The following CEACAM20 variants were observed in gnomAD, a reference collection of about 807,000 sequenced individuals.
The protein encoded by CEACAM20 is cell adhesion molecule CEACAM20.
CEACAM20 carries 50 observed loss-of-function variants against 61.2 expected under a neutral mutation model. The ratio of observed to expected loss-of-function variants is 0.82; its 90% confidence interval spans 0.65 to 1.03. The LOEUF (loss-of-function observed/expected upper bound fraction) is 1.03. Among genes scored for constraint, CEACAM20 ranks in the 50% least tolerant of loss-of-function variants. The probability of loss-of-function intolerance (pLI) is 0.00; values close to 1 mark genes in which losing one functional copy is unlikely to be tolerated. For synonymous variants in CEACAM20, 282 were observed against 287.7 expected, an observed-to-expected ratio of 0.98 and a Z score of 0.20; for missense variants, 683 against 736.4, an observed-to-expected ratio of 0.93 and a Z score of 0.84.
rs59294881 is a variant in CEACAM20, at chr19:44,515,218, AATGATGATGATG to A, written c.1309+1716_1309+1727del. On this transcript the variant is annotated intron_variant, in intron 6 of 11. Transcript: ENST00000614924. ...CCTGATACATACCAGATGCTTGACA[AATGATGATGATG>A]ATGATGATGATGATGATGATGATGA... Among the ~76,000 whole-genome samples the A allele has an allele frequency of 6.7e-5, 10 of 148,994 alleles. No individual in the cohort carries two copies. The South Asian group carries it at 8.6e-4, about 13-fold the overall frequency.
chr19:44,517,525 G>A (rs1054247563), intron 5 of CEACAM20, among the ~76,000 whole-genome samples: 4 of 151,620 alleles, frequency 2.6e-5, no homozygotes, highest in South Asian at 4.2e-4. Flanking sequence ...GTGAAACCCC[G>A]TATCTACTAA....
rs762576327 is a variant in CEACAM20, at chr19:44,520,746, A to G, written c.758T>C (p.Leu253Pro). 1.9e-6 allele frequency: 3 copies of G among 1,612,164 alleles called. No homozygotes were observed. In the Admixed American group the frequency reaches 5.0e-5, roughly 27 times the overall value. ...TGAAGGCACGACTTGAGGCATGGTC[A>G]GTGTTTCTGGAAACACGTGGAGATA... Reference protein sequence around the residue: ...GTLKVRVLETLTMPQVVPSSL... With the variant: ...GTLKVRVLETPTMPQVVPSSL... The change falls in exon 5 of 12, where the codon CTG (leucine) becomes CCG (proline). Residue 253 changes from leucine to proline, a missense_variant. Coordinates refer to ENST00000614924, the MANE Select transcript of CEACAM20 (RefSeq NM_001102597.3).
At chr19:44,519,177 T>G (rs976776323) in intron 5 of CEACAM20, among the ~76,000 whole-genome samples, 3 of 152,042 alleles carry the variant, frequency 2.0e-5, no homozygotes, top group Non-Finnish European at 2.9e-5. Context: ...CTTTGCAACA[T>G]CCCCCAGATG....
chr19:44,518,907 G>C (rs1971271477), intron 5 of CEACAM20, among the ~76,000 whole-genome samples: 1 of 152,016 alleles, frequency 6.6e-6, no homozygotes, highest in Non-Finnish European at 1.5e-5. Context: ...GTGCCCTTGG[G>C]ACAAAGCCTA....
At chr19:44,526,246 T>C (rs1031514949) in intron 1 of CEACAM20, among the ~76,000 whole-genome samples, 5 of 152,224 alleles carry the variant, frequency 3.3e-5, no homozygotes, top group Admixed American at 3.3e-4. Flanking sequence ...TGGTGGCTCA[T>C]GCCTGTAATC....
At chr19:44,523,707 A>G (rs1029839060) in intron 3 of CEACAM20, among the ~76,000 whole-genome samples, 3 of 152,104 alleles carry the variant, frequency 2.0e-5, no homozygotes, top group African/African-American at 7.2e-5. Flanking sequence ...GTGAGCTACA[A>G]TAACCATTCA....
At chr19:44,518,104 A>T (rs1359106584) in intron 5 of CEACAM20, among the ~76,000 whole-genome samples, 2 of 34,056 alleles carry the variant, frequency 5.9e-5, no homozygotes, top group East Asian at 2.6e-3. Flanking sequence ...GAAAGAAAGA[A>T]AGGAAGGAAG....
chr19:44,517,554 G>A (rs945888624), intron 5 of CEACAM20, among the ~76,000 whole-genome samples: 7 of 151,950 alleles, frequency 4.6e-5, no homozygotes, highest in East Asian at 1.9e-4. Flanking sequence ...AAAATTAGCC[G>A]GGCGTAGTGG....
chr19:44,525,146 C>T lies in CEACAM20; in HGVS notation c.151G>A (p.Val51Met). The T allele has an allele frequency of 6.2e-7, 1 of 1,610,822 alleles. No individual in the cohort carries two copies. The highest frequency in any genetic ancestry group is 1.1e-5 in the South Asian group (1 of 90,434). ...TGGGGTGTCCTGGGGGTCCCAAACA[C>T]AGGCAGAACAACATCCTCACTTTGG... ...ATQSEDVVLP[V>M]FGTPRTPQIH... The change falls in exon 2 of 12, where the codon GTG becomes ATG. Residue 51 changes from valine to methionine, a missense_variant. Physicochemically the swap from Val to Met is conservative, Grantham distance 21. Coordinates refer to ENST00000614924, the MANE Select transcript of CEACAM20 (RefSeq NM_001102597.3).
chr19:44,528,612 C>T (rs1971608674), intron 1 of CEACAM20, among the ~76,000 whole-genome samples: 2 of 152,108 alleles, frequency 1.3e-5, no homozygotes, highest in African/African-American at 4.8e-5. Flanking sequence ...CTCTCTTTCT[C>T]CCTGGGTCTC....
At chr19:44,522,221 A>G (rs1043416124) in intron 4 of CEACAM20, among the ~76,000 whole-genome samples, 7 of 151,818 alleles carry the variant, frequency 4.6e-5, no homozygotes, top group Admixed American at 2.0e-4. Context: ...CTCCTGCCTC[A>G]GCCTCCTGAG....
At chr19:44,527,585 G>A (rs551896583) in intron 1 of CEACAM20, among the ~76,000 whole-genome samples, 9 of 152,192 alleles carry the variant, frequency 5.9e-5, no homozygotes, top group African/African-American at 2.2e-4. Context: ...TGGAAAGCCT[G>A]CCATGGCCCC....
intron 8 of CEACAM20, 50 bp from the exon 9 acceptor site, chr19:44,512,128 G>A: frequency 2.1e-6 from 3 of 1,436,490 alleles, no homozygotes; most frequent in Non-Finnish European, 2.9e-6. Context: ...AGAGATATGG[G>A]GCAAGGGGCT....
chr19:44,524,106 T>C lies in CEACAM20; in HGVS notation c.352A>G (p.Lys118Glu), dbSNP rs752455391. ...IVFHERMQLS[K>E]DGKILTILIV... ...AGAATGGTGAGGATCTTGCCATCCT[T>C]GGACAGCTGCATGCGCTCATGGAAC... The change falls in exon 3 of 12, where the codon AAG (lysine) becomes GAG (glutamate). Residue 118 changes from lysine to glutamate, a missense_variant. By Grantham distance (56) the Lys-to-Glu change is moderately conservative. Coordinates refer to ENST00000614924, the MANE Select transcript of CEACAM20 (RefSeq NM_001102597.3). 6.2e-7 allele frequency: 1 copy of C among 1,606,742 alleles called. No homozygotes were observed. Among genetic ancestry groups the C allele is most frequent in the Non-Finnish European group, 8.5e-7 (1 of 1,176,730 alleles).
At position 44,512,820 on chromosome 19, in the gene CEACAM20, C is replaced by T. The variant is rs373968773; in HGVS notation, c.1513+48G>A. 1.2e-5 allele frequency: 19 copies of T among 1,524,746 alleles called. No individual in the cohort carries two copies. The African/African-American group carries it at 2.6e-4, about 21-fold the overall frequency. 94.5% of individuals were successfully genotyped at this position (1,524,746 alleles called of 1,614,324 possible). Reference sequence around the variant, plus strand: ...GGAGCCCCCAGCACCAGCCTCTTCCCCAGCCCTCACCCCTGCCCCAGGCAT... The same window carrying T: ...GGAGCCCCCAGCACCAGCCTCTTCCTCAGCCCTCACCCCTGCCCCAGGCAT... On this transcript the variant is annotated intron_variant, in intron 8 of 11. Transcript: ENST00000614924.
At position 44,517,203 on chromosome 19, in the gene CEACAM20, A is replaced by T; in HGVS notation, c.1052T>A (p.Ile351Asn). Residue 351 changes from isoleucine to asparagine, a missense_variant, in exon 6 of 12, where the codon ATC becomes AAC. Coordinates refer to ENST00000614924, the MANE Select transcript of CEACAM20 (RefSeq NM_001102597.3). ...TINYGPDQVH[I>N]TRESASEMIS... ...CATCTCAGATGCCGACTCCCTGGTG[A>T]TGTGCACTTGGTCAGGACCATCTGT... 1 of 1,607,932 alleles carries T rather than the reference A, an allele frequency of 6.2e-7. No individual in the cohort carries two copies. Among genetic ancestry groups the T allele is most frequent in the Non-Finnish European group, 8.5e-7 (1 of 1,179,816 alleles).
chr19:44,512,247 G>A (rs1971024514), intron 8 of CEACAM20, among the ~76,000 whole-genome samples, 169 bp from the exon 9 acceptor site: 1 of 152,162 alleles, frequency 6.6e-6, no homozygotes, highest in Admixed American at 6.5e-5. Context: ...ATCAAGGTCT[G>A]GGTTAGGTAA....
At chr19:44,522,121 T>C (rs951682638) in intron 4 of CEACAM20, among the ~76,000 whole-genome samples, 3 of 151,996 alleles carry the variant, frequency 2.0e-5, no homozygotes, top group South Asian at 4.1e-4. Flanking sequence ...TTTTTTTTTT[T>C]TTAGACAGAG....
rs765805694 is a variant in CEACAM20, at chr19:44,522,795, C to T, written c.590G>A (p.Cys197Tyr). Reference protein sequence around the residue: ...FLAETKSHPPCAYTWFLLDSI... With the variant: ...FLAETKSHPPYAYTWFLLDSI... Reference sequence around the variant, plus strand: ...GTCAAGGAGAAACCAAGTATAGGCACAGGGTGGGTGAGACTTTGTTTCCGC... The same window carrying T: ...GTCAAGGAGAAACCAAGTATAGGCATAGGGTGGGTGAGACTTTGTTTCCGC... The change falls in exon 4 of 12, where the codon TGT becomes TAT. Residue 197 changes from cysteine to tyrosine, a missense_variant. Coordinates refer to ENST00000614924, the MANE Select transcript of CEACAM20 (RefSeq NM_001102597.3). 19 of 1,613,622 alleles carry T rather than the reference C, an allele frequency of 1.2e-5. No individual in the cohort carries two copies. The highest frequency in any genetic ancestry group is 1.4e-5 in the Non-Finnish European group (17 of 1,179,856).
Sources: allele counts gnomAD v4.1 joint callset (sites outside exome capture counted in the v4.1 genomes callset), GRCh38; gene constraint gnomAD v4.1.1; transcripts MANE v1.5; gene names NCBI Gene and HGNC (gene_info 2026-07-23, HGNC 2026-07-21).